The following LUZP2 variants were observed in gnomAD, a reference collection of about 807,000 sequenced individuals.
The protein encoded by LUZP2 is leucine zipper protein 2.
A neutral mutation model predicts 51.6 loss-of-function variants in LUZP2; 52 were observed. The observed-to-expected ratio is 1.01, with a 90% CI of 0.81 to 1.27. The LOEUF (loss-of-function observed/expected upper bound fraction) is 1.27, where lower values mean the gene tolerates loss of function less well. Among genes scored for constraint, LUZP2 ranks in the 50% most tolerant of loss-of-function variants. The pLI, the probability that LUZP2 is intolerant of heterozygous loss-of-function variation, is 0.00. For missense variants in LUZP2, 436 were observed against 395.4 expected (o/e 1.10, Z -0.87); for synonymous variants, 154 against 137.3 (o/e 1.12, Z -0.85).
In LUZP2 at chr11:24,615,823, C is replaced by CAT. The variant is rs145300200; in HGVS notation, c.63-113335_63-113334dup. Among the ~76,000 whole-genome samples, 157 of 150,258 alleles carry CAT rather than the reference C, an allele frequency of 1.0e-3. 1 individual carries two copies. The highest frequency in any genetic ancestry group is 3.0e-3 in the African/African-American group (125 of 41,124). On this transcript the variant is annotated intron_variant, in intron 1 of 11. Transcript: ENST00000336930. ...TGCCATTTTGGTTTTATATATGTCTCATATATATATATTATATATATAATA... is the reference window on the plus strand; with the variant it reads ...TGCCATTTTGGTTTTATATATGTCTCATATATATATATATTATATATATAATA...
At chr11:24,818,510 C>G (rs1473109295) in intron 5 of LUZP2, among the ~76,000 whole-genome samples, 1 of 151,928 alleles carries the variant, frequency 6.6e-6, no homozygotes, top group Non-Finnish European at 1.5e-5. Flanking sequence ...AATAAATTAT[C>G]TATGTTGAAA....
chr11:24,937,317 A>G (rs1242187937), intron 7 of LUZP2, among the ~76,000 whole-genome samples: 1 of 152,188 alleles, frequency 6.6e-6, no homozygotes, highest in East Asian at 1.9e-4. Flanking sequence ...TAATTTCTTT[A>G]TTAAGTCTTT....
intron 1 of LUZP2, among the ~76,000 whole-genome samples, chr11:24,702,100 A>T (rs1037340916): frequency 2.6e-5 from 4 of 152,166 alleles, no homozygotes; most frequent in African/African-American, 9.7e-5. Flanking sequence ...AAATACTGAA[A>T]ATCTGAGTAT....
rs1854130155 is a variant in LUZP2, at chr11:24,611,724, C to G, written c.62+114419C>G. 6.6e-6 allele frequency among the ~76,000 whole-genome samples: 1 copy of G among 152,160 alleles called. No homozygotes were observed. Among genetic ancestry groups the G allele is most frequent in the Non-Finnish European group, 1.5e-5 (1 of 68,016 alleles). On this transcript the variant is annotated intron_variant, in intron 1 of 11. Transcript: ENST00000336930. The surrounding 1 kb of genome is among the most constrained non-coding windows in gnomAD (Gnocchi z 4.6). Reference sequence around the variant, plus strand: ...CATATTATTAAGTGCCAGATATTAACTCTTTCACTCCTCACACCAAGCCAA... The same window carrying G: ...CATATTATTAAGTGCCAGATATTAAGTCTTTCACTCCTCACACCAAGCCAA...
intron 1 of LUZP2, among the ~76,000 whole-genome samples, chr11:24,594,325 A>G (rs1208679250): frequency 6.6e-6 from 1 of 152,188 alleles, no homozygotes; most frequent in African/African-American, 2.4e-5. Flanking sequence ...AAGGACAGTA[A>G]CTAATAGTGC....
Position 24,597,269 on chromosome 11 carries a change from C to G in LUZP2, c.62+99964C>G, listed in dbSNP as rs184708452. Among the ~76,000 whole-genome samples, 7 of 152,224 alleles carry G rather than the reference C, an allele frequency of 4.6e-5. No individual in the cohort carries two copies. In the East Asian group the frequency reaches 1.4e-3, roughly 29 times the overall value. Reference sequence around the variant, plus strand: ...TTGTCTTAACAGTTTATCCAGTAAACTGTTCATATGTGCATTTGACTTTAT... The same window carrying G: ...TTGTCTTAACAGTTTATCCAGTAAAGTGTTCATATGTGCATTTGACTTTAT... On this transcript the variant is annotated intron_variant, in intron 1 of 11. Transcript: ENST00000336930.
intron 9 of LUZP2, among the ~76,000 whole-genome samples, chr11:25,012,006 A>T (rs1400482355): frequency 2.6e-5 from 4 of 152,184 alleles, no homozygotes; most frequent in Non-Finnish European, 5.9e-5. Flanking sequence ...TAGACACAAA[A>T]GGCAGCATTC....
At chr11:25,001,575 G>T (rs920409382) in intron 9 of LUZP2, among the ~76,000 whole-genome samples, 1 of 152,174 alleles carries the variant, frequency 6.6e-6, no homozygotes, top group African/African-American at 2.4e-5. Flanking sequence ...CAACAAGGTG[G>T]TATTGGAGTG....
intron 1 of LUZP2, among the ~76,000 whole-genome samples, chr11:24,706,653 C>A (rs1307225975): frequency 1.3e-5 from 2 of 152,078 alleles, no homozygotes; most frequent in Non-Finnish European, 2.9e-5. Context: ...CGCGAAGGTG[C>A]AAATTGAAAT....
At chr11:24,716,331 C>T (rs1052861902) in intron 1 of LUZP2, among the ~76,000 whole-genome samples, 1 of 152,114 alleles carries the variant, frequency 6.6e-6, no homozygotes, top group Non-Finnish European at 1.5e-5. Context: ...GTTCAACATA[C>T]TCTTGGAGGA....
chr11:24,932,345 G>A (rs763288471), intron 7 of LUZP2, among the ~76,000 whole-genome samples: 1 of 152,132 alleles, frequency 6.6e-6, no homozygotes, highest in Non-Finnish European at 1.5e-5. Context: ...CAGGCAGTGG[G>A]TGGGGCCATA....
chr11:24,527,567 T>TCTCTCACA (rs796404136), intron 1 of LUZP2, among the ~76,000 whole-genome samples: 63 of 131,638 alleles, frequency 4.8e-4, no homozygotes, highest in African/African-American at 1.6e-3. Context: ...TCTCTCTCTC[T>TCTCTCACA]CACACACACA....
At chr11:24,843,024 A>G (rs1189461477) in intron 5 of LUZP2, among the ~76,000 whole-genome samples, 1 of 151,912 alleles carries the variant, frequency 6.6e-6, no homozygotes, top group African/African-American at 2.4e-5. Context: ...AACGACTAAA[A>G]TAAGTAACAT....
At chr11:24,550,484 C>A (rs923977166) in intron 1 of LUZP2, among the ~76,000 whole-genome samples, 37 of 151,998 alleles carry the variant, frequency 2.4e-4, no homozygotes, top group African/African-American at 7.5e-4. Context: ...GTTCAAATTT[C>A]TACCTGTTTT....
At chr11:24,936,466 G>C (rs1445338140) in intron 7 of LUZP2, among the ~76,000 whole-genome samples, 1 of 152,108 alleles carries the variant, frequency 6.6e-6, no homozygotes, top group Non-Finnish European at 1.5e-5. Flanking sequence ...TTACTCAATA[G>C]AGGCTTATCT....
intron 1 of LUZP2, among the ~76,000 whole-genome samples, chr11:24,660,006 A>G (rs895475100): frequency 6.6e-6 from 1 of 152,090 alleles, no homozygotes; most frequent in South Asian, 2.1e-4. Flanking sequence ...AAAAGATCCT[A>G]GGTGGACCGG....
intron 1 of LUZP2, among the ~76,000 whole-genome samples, chr11:24,670,918 T>C (rs1856382188): frequency 6.6e-6 from 1 of 151,968 alleles, no homozygotes; most frequent in South Asian, 2.1e-4. Flanking sequence ...ATTAATCCGA[T>C]AATAATGTGA....
chr11:24,555,067 G>C (rs1851826377), intron 1 of LUZP2, among the ~76,000 whole-genome samples: 1 of 151,766 alleles, frequency 6.6e-6, no homozygotes, highest in African/African-American at 2.4e-5. Context: ...AGATCTGATT[G>C]CTTGTTTGTA....
intron 7 of LUZP2, among the ~76,000 whole-genome samples, chr11:24,931,641 G>A (rs767455046): frequency 6.6e-5 from 10 of 152,034 alleles, no homozygotes; most frequent in Non-Finnish European, 1.3e-4. Flanking sequence ...ACTTTTGTTT[G>A]TTTGTTTGTT....
Sources: allele counts gnomAD v4.1 joint callset (sites outside exome capture counted in the v4.1 genomes callset), GRCh38; gene constraint gnomAD v4.1.1; non-coding constraint Gnocchi (gnomAD v3.1); transcripts MANE v1.5; gene names NCBI Gene and HGNC (gene_info 2026-07-23, HGNC 2026-07-21).